UVSSA: variants seen among roughly 807,000 people sequenced by gnomAD.
The protein encoded by UVSSA is UV stimulated scaffold protein A.
In UVSSA, 72 loss-of-function variants were observed where a neutral mutation model predicts 73.9. The ratio of observed to expected loss-of-function variants is 0.97; its 90% confidence interval spans 0.81 to 1.19. The LOEUF is 1.19. Among genes scored for constraint, UVSSA ranks in the 50% most tolerant of loss-of-function variants. The pLI is 0.00. For missense variants in UVSSA, 1,150 were observed against 965.0 expected (o/e 1.19, Z -2.54); for synonymous variants, 454 against 391.3 (o/e 1.16, Z -1.89).
rs377008489 is a variant in UVSSA at position 1,349,514 on chromosome 4, G to T, written c.99-10G>T. On this transcript the variant is annotated splice_polypyrimidine_tract_variant and intron_variant, in intron 2 of 13. Transcript: ENST00000389851. ...TGGGGCAGTTGGGTCAGGCCAGCTC[G>T]CATCCCCAGGTCTTCAGAGGAGCAG... 3.7e-6 allele frequency: 6 copies of T among 1,609,030 alleles called. No individual in the cohort carries two copies. The highest frequency in any genetic ancestry group is 5.1e-6 in the Non-Finnish European group (6 of 1,177,358).
chr4:1,376,318 A>ACCCCTGTGCCCCTC, intron 10 of UVSSA, 150 bp downstream of exon 10: 4 of 1,255,212 alleles, frequency 3.2e-6, no homozygotes, highest in Non-Finnish European at 4.2e-6. Context: ...CTGGAGGGGC[A>ACCCCTGTGCCCCTC]CAGGGGTGGG....
At chr4:1,374,511 C>T (rs955809511) in intron 8 of UVSSA, among the ~76,000 whole-genome samples, 1 of 152,194 alleles carries the variant, frequency 6.6e-6, no homozygotes. Flanking sequence ...TCCGGGGACC[C>T]TGGGTGCACG....
chr4:1,346,744 G>C (rs1015534103), upstream of UVSSA, among the ~76,000 whole-genome samples: 3 of 152,116 alleles, frequency 2.0e-5, no homozygotes, highest in Non-Finnish European at 2.9e-5. Context: ...CTGGCTGCGA[G>C]CCCGCGGGCG....
Position 1,380,352 on chromosome 4 carries a change from A to G in UVSSA, c.1752+122A>G, listed in dbSNP as rs1719331345. On this transcript the variant is annotated intron_variant, in intron 11 of 13. Transcript: ENST00000389851. ...GGTGCTTGTGAGCACTGAGAAGCCC[A>G]TGGAAGGGGCTTATCCGTGGTGGGC... 40 of 1,260,394 alleles carry G rather than the reference A, an allele frequency of 3.2e-5. No individual in the cohort carries two copies. In the South Asian group the frequency reaches 5.2e-4, roughly 16 times the overall value. 78.1% of individuals were successfully genotyped at this position (1,260,394 alleles called of 1,614,324 possible).
intron 10 of UVSSA, among the ~76,000 whole-genome samples, chr4:1,376,895 C>T (rs995297033): frequency 1.8e-4 from 28 of 152,216 alleles, no homozygotes; most frequent in African/African-American, 6.5e-4. Context: ...TGGAAGGTCA[C>T]CCTAAGGCGT....
In UVSSA at chr4:1,348,071, C is replaced by G; in HGVS notation, c.-2-19C>G. On this transcript the variant is annotated intron_variant, in intron 1 of 13. Coordinates refer to ENST00000389851, the MANE Select transcript of UVSSA (RefSeq NM_020894.4). Reference sequence around the variant, plus strand: ...AAATACAGATGGTGATATAGCATCTCTGCCTTACTTATTTCTAGATATGGA... The same window carrying G: ...AAATACAGATGGTGATATAGCATCTGTGCCTTACTTATTTCTAGATATGGA... The G allele has an allele frequency of 6.3e-7, 1 of 1,584,982 alleles. No homozygotes were observed. The highest frequency in any genetic ancestry group is 8.7e-7 in the Non-Finnish European group (1 of 1,154,244).
chr4:1,352,631 G>A (rs1276441068), intron 4 of UVSSA, among the ~76,000 whole-genome samples: 1 of 152,258 alleles, frequency 6.6e-6, no homozygotes, highest in African/African-American at 2.4e-5. Context: ...CAGCTGCTGA[G>A]CTGGGTGCTC....
chr4:1,366,345 A>G lies in UVSSA; in HGVS notation c.1202A>G (p.Glu401Gly). ...RRTEALGDAE[E>G]DEDDEDFVEV... ...ACAGAAGCCCTGGGGGATGCGGAGG[A>G]AGATGAGGACGATGAGGACTTTGTG... The change falls in exon 8 of 14, where the codon GAA becomes GGA. Residue 401 changes from glutamate (E) to glycine (G), a missense_variant. Glu to Gly is a moderately conservative substitution (Grantham distance 98, BLOSUM62 -2). Coordinates refer to ENST00000389851, the MANE Select transcript of UVSSA (RefSeq NM_020894.4). 6.2e-7 allele frequency: 1 copy of G among 1,612,536 alleles called. No homozygotes were observed.
chr4:1,395,478 C>T, exon 14 of UVSSA: 1 of 1,592,996 alleles, frequency 6.3e-7, no homozygotes, highest in Non-Finnish European at 8.5e-7. Flanking sequence ...CCCGCCTGCT[C>T]ACACGTGCCA....
In UVSSA at chr4:1,395,745, C is replaced by T. The variant is rs143447149; in HGVS notation, c.*9784C>T. ...GTGGTTCTGTAGGTTTCCTGTCCTGCCGGCCGAGTCAGACGCTGTTACCGT... is the reference window on the plus strand; with the variant it reads ...GTGGTTCTGTAGGTTTCCTGTCCTGTCGGCCGAGTCAGACGCTGTTACCGT... On this transcript the variant is annotated 3_prime_UTR_variant, in exon 14 of 14. Transcript: ENST00000511216. 6.8e-6 allele frequency: 11 copies of T among 1,614,102 alleles called. No homozygotes were observed. In the African/African-American group the frequency reaches 1.3e-4, roughly 20 times the overall value.
intron 12 of UVSSA, among the ~76,000 whole-genome samples, chr4:1,381,205 T>C (rs550517969): frequency 7.9e-4 from 120 of 152,150 alleles, no homozygotes; most frequent in African/African-American, 2.8e-3. Context: ...CTTTAGGGGG[T>C]CACGTGTTCA....
chr4:1,362,737 A>G (rs1469728069), intron 7 of UVSSA, among the ~76,000 whole-genome samples: 1 of 152,180 alleles, frequency 6.6e-6, no homozygotes. Context: ...TTGACTTCTT[A>G]GAGGTGAACT....
intron 8 of UVSSA, among the ~76,000 whole-genome samples, chr4:1,370,479 C>T (rs993229770): frequency 2.6e-5 from 4 of 152,258 alleles, no homozygotes; most frequent in Non-Finnish European, 2.9e-5. Context: ...TCACACCCTC[C>T]GCTTTCAGCC....
At chr4:1,367,135 C>T (rs1333341518) in intron 8 of UVSSA, among the ~76,000 whole-genome samples, 1 of 152,228 alleles carries the variant, frequency 6.6e-6, no homozygotes, top group Non-Finnish European at 1.5e-5. Flanking sequence ...GGGCTCTTCT[C>T]ACTGTCAGGG....
At chr4:1,359,687 C>A (rs1262996768) in intron 7 of UVSSA, among the ~76,000 whole-genome samples, 2 of 152,124 alleles carry the variant, frequency 1.3e-5, no homozygotes, top group Non-Finnish European at 2.9e-5. Flanking sequence ...TGGATGCATC[C>A]TCCATTGCCC....
In UVSSA at chr4:1,349,214, C is replaced by T. The variant is rs1034344363; in HGVS notation, c.99-310C>T. On this transcript the variant is annotated intron_variant, in intron 2 of 13. Transcript: ENST00000389851. ...ATGATGTAGGTGGATAGATGGGCGA[C>T]GTTCCAATGACACTTTGTGAATGAA... Among the ~76,000 whole-genome samples the T allele has an allele frequency of 8.5e-5, 13 of 152,182 alleles. 2 individuals carry two copies. Among genetic ancestry groups the T allele is most frequent in the East Asian group, 3.9e-4 (2 of 5,184 alleles).
intron 9 of UVSSA, 22 bp from the exon 10 acceptor site, chr4:1,376,012 C>G (rs1417003094): frequency 6.3e-7 from 1 of 1,578,286 alleles, no homozygotes; most frequent in Non-Finnish European, 8.6e-7. Flanking sequence ...CACCGTCAGG[C>G]TGTCCCACTC....
intron 8 of UVSSA, among the ~76,000 whole-genome samples, chr4:1,373,539 G>A (rs1205029041): frequency 6.6e-6 from 1 of 152,174 alleles, no homozygotes; most frequent in Non-Finnish European, 1.5e-5. Flanking sequence ...TTGATCCTCA[G>A]TGCTCTGTGT....
At chr4:1,355,449 C>T (rs1248140683) in intron 7 of UVSSA, among the ~76,000 whole-genome samples, 1 of 152,224 alleles carries the variant, frequency 6.6e-6, no homozygotes, top group Non-Finnish European at 1.5e-5. Context: ...GACAGTGCAG[C>T]TGTCGGGTGT....
Sources: gnomAD v4.1 joint callset for allele counts (sites outside exome capture counted in the v4.1 genomes callset) on GRCh38, gnomAD v4.1.1 for gene constraint, MANE v1.5 for transcripts, NCBI Gene and HGNC (gene_info 2026-07-23, HGNC 2026-07-21) for gene names.